The following CWF19L1 variants were observed in gnomAD, a reference collection of about 807,000 sequenced individuals.
CWF19L1 encodes CWF19-like protein 1.
A neutral mutation model predicts 69.7 loss-of-function variants in CWF19L1; 60 were observed. The observed-to-expected ratio is 0.86, with a 90% CI of 0.70 to 1.07. The LOEUF (loss-of-function observed/expected upper bound fraction) is 1.07, where lower values mean the gene tolerates loss of function less well. Among genes scored for constraint, CWF19L1 ranks in the 50% least tolerant of loss-of-function variants. The pLI, the probability that CWF19L1 is intolerant of heterozygous loss-of-function variation, is 0.00. For synonymous variants in CWF19L1, 209 were observed against 222.2 expected, an observed-to-expected ratio of 0.94 and a Z score of 0.53; for missense variants, 591 against 638.9, an observed-to-expected ratio of 0.92 and a Z score of 0.81.
Position 100,258,905 on chromosome 10 carries a change from T to TAA in CWF19L1, c.289+1311_289+1312dup, listed in dbSNP as rs11369357. 9.6e-4 allele frequency among the ~76,000 whole-genome samples: 117 copies of TAA among 121,504 alleles called. 3 individuals are homozygous for TAA. Among genetic ancestry groups the TAA allele is most frequent in the African/African-American group, 1.1e-3 (35 of 30,650 alleles). 79.7% of individuals were successfully genotyped at this position (121,504 alleles called of 152,430 possible). ...AAATGTGAAGAATAGTAAATTCAAC[T>TAA]AAAAAAAAAAAAAAAAGCCGAGCAC... On this transcript the variant is annotated intron_variant, in intron 4 of 13. Transcript: ENST00000354105.
At chr10:100,236,792 C>T in intron 12 of CWF19L1, 58 bp downstream of exon 12, 1 of 1,528,432 alleles carries the variant, frequency 6.5e-7, no homozygotes, top group Non-Finnish European at 8.8e-7. Context: ...AAACAACAAA[C>T]AACAACAAAA....
chr10:100,243,663 T>C (rs1846707706), intron 10 of CWF19L1, 35 bp downstream of exon 10: 1 of 1,545,918 alleles, frequency 6.5e-7, no homozygotes, highest in African/African-American at 1.4e-5. Flanking sequence ...CAAATAGGCA[T>C]CTCCTTCTCT....
At chr10:100,234,285 A>G (rs1003123090) in intron 13 of CWF19L1, among the ~76,000 whole-genome samples, 10 of 152,220 alleles carry the variant, frequency 6.6e-5, no homozygotes, top group Admixed American at 6.5e-4. Context: ...CCTTTCTTGT[A>G]CAGCTGAAAA....
At position 100,260,328 on chromosome 10, in the gene CWF19L1, G is replaced by A. The variant is rs11190442; in HGVS notation, c.188-9C>T. ...ATATGTCTGAATAGGAGCTAGTGAG[G>A]GAAACAGACATGACACCATATAGTT... On this transcript the variant is annotated splice_polypyrimidine_tract_variant and intron_variant, in intron 3 of 13. Transcript: ENST00000354105. 14,423 of 1,502,396 alleles carry A rather than the reference G, an allele frequency of 9.6e-3. 1,120 individuals are homozygous for A. In the African/African-American group the frequency reaches 0.17, roughly 18 times the overall value. 93.1% of individuals were successfully genotyped at this position (1,502,396 alleles called of 1,614,324 possible). A position where few individuals can be genotyped will look rare whatever the true frequency, so the allele number is the denominator to read the frequency against.
At chr10:100,252,661 C>T (rs928424426) in intron 6 of CWF19L1, among the ~76,000 whole-genome samples, 3 of 151,730 alleles carry the variant, frequency 2.0e-5, no homozygotes, top group Admixed American at 6.6e-5. Flanking sequence ...GGTGAAACCC[C>T]GTCTCTATTA....
chr10:100,250,226 C>G, intron 7 of CWF19L1, 22 bp downstream of exon 7: 1 of 1,490,382 alleles, frequency 6.7e-7, no homozygotes. Context: ...ATCAACCTTC[C>G]ACCAAATAGG....
At chr10:100,262,484 C>G in intron 1 of CWF19L1, 2 of 985,178 alleles carry the variant, frequency 2.0e-6, no homozygotes, top group Non-Finnish European at 2.4e-6. Context: ...TACAGGGCTT[C>G]AGTCATTCAT....
chr10:100,247,281 T>C (rs1318633938), intron 7 of CWF19L1, among the ~76,000 whole-genome samples: 6 of 152,260 alleles, frequency 3.9e-5, no homozygotes, highest in Non-Finnish European at 8.8e-5. Context: ...CTTCTGTCTC[T>C]GAGTCCCTTA....
intron 5 of CWF19L1, 34 bp downstream of exon 5, chr10:100,256,228 T>A: frequency 6.4e-7 from 1 of 1,557,766 alleles, no homozygotes; most frequent in South Asian, 1.1e-5. Context: ...TGCAATTTGC[T>A]TTTAGAAATT....
At chr10:100,249,832 C>G (rs1480521255) in intron 7 of CWF19L1, among the ~76,000 whole-genome samples, 3 of 152,184 alleles carry the variant, frequency 2.0e-5, no homozygotes, top group Non-Finnish European at 4.4e-5. Flanking sequence ...GTGATCCGCC[C>G]ACCTCAGCCT....
At position 100,237,150 on chromosome 10, in the gene CWF19L1, C is replaced by G. The variant is rs146993045; in HGVS notation, c.1255-181G>C. The G allele has an allele frequency of 2.7e-4, 213 of 781,802 alleles. 1 individual carries two copies. The highest frequency in any genetic ancestry group is 4.6e-4 in the Middle Eastern group (2 of 4,346). 48.4% of individuals were successfully genotyped at this position (781,802 alleles called of 1,614,324 possible). A position where few individuals can be genotyped will look rare whatever the true frequency, so the allele number is the denominator to read the frequency against. On this transcript the variant is annotated intron_variant, in intron 11 of 13. Coordinates refer to ENST00000354105, the MANE Select transcript of CWF19L1 (RefSeq NM_018294.6). Reference sequence around the variant, plus strand: ...GTAAGGACTTAAACTTATGAGATAGCCTGACACATGTGGGAGCCATTCTCT... The same window carrying G: ...GTAAGGACTTAAACTTATGAGATAGGCTGACACATGTGGGAGCCATTCTCT...
intron 7 of CWF19L1, among the ~76,000 whole-genome samples, chr10:100,247,666 G>A (rs570617339): frequency 1.3e-5 from 2 of 152,216 alleles, no homozygotes; most frequent in Admixed American, 6.5e-5. Flanking sequence ...AGGCTGAGGC[G>A]GGCGAATCAC....
At chr10:100,245,964 T>TCTA (rs1484897244) in intron 8 of CWF19L1, 51 bp from the exon 9 acceptor site, 12 of 1,332,570 alleles carry the variant, frequency 9.0e-6, no homozygotes, top group South Asian at 3.5e-5. Flanking sequence ...AACCTTTAGA[T>TCTA]AAGTAGCCGA....
chr10:100,233,154 A>G lies in CWF19L1; in HGVS notation c.*73T>C. 6.9e-7 allele frequency: 1 copy of G among 1,448,174 alleles called. No homozygotes were observed. Among genetic ancestry groups the G allele is most frequent in the Non-Finnish European group, 9.3e-7 (1 of 1,080,196 alleles). 89.7% of individuals were successfully genotyped at this position (1,448,174 alleles called of 1,614,324 possible). A position where few individuals can be genotyped will look rare whatever the true frequency, so the allele number is the denominator to read the frequency against. ...CAGAGCGAGACTTTGTCTCAAAAAAAATTCTTTTAATTAAAAAAAAAAAAA... is the reference window on the plus strand; with the variant it reads ...CAGAGCGAGACTTTGTCTCAAAAAAGATTCTTTTAATTAAAAAAAAAAAAA... On this transcript the variant is annotated 3_prime_UTR_variant, in exon 14 of 14. Coordinates refer to ENST00000354105, the MANE Select transcript of CWF19L1 (RefSeq NM_018294.6).
Position 100,233,139 on chromosome 10 carries a change from C to CTT in CWF19L1, c.*86_*87dup. The stretch of plus-strand genomic sequence containing the variant: ...ATCCTGCTTGGGTGACAGAGCGAGA[C>CTT]TTTGTCTCAAAAAAAATTCTTTTAA... On this transcript the variant is annotated 3_prime_UTR_variant, in exon 14 of 14. Transcript: ENST00000354105. 7.3e-7 allele frequency: 1 copy of CTT among 1,368,674 alleles called. No individual in the cohort carries two copies. Among genetic ancestry groups the CTT allele is most frequent in the African/African-American group, 1.5e-5 (1 of 67,714 alleles). 84.8% of individuals were successfully genotyped at this position (1,368,674 alleles called of 1,614,324 possible).
chr10:100,250,186 A>C, intron 7 of CWF19L1, 62 bp downstream of exon 7: 93 of 1,109,186 alleles, frequency 8.4e-5, no homozygotes, highest in Non-Finnish European at 1.1e-4. Context: ...AAACTGGACA[A>C]GAGATACATT....
At chr10:100,242,457 T>C (rs1372303446) in intron 10 of CWF19L1, among the ~76,000 whole-genome samples, 1 of 152,182 alleles carries the variant, frequency 6.6e-6, no homozygotes, top group Non-Finnish European at 1.5e-5. Context: ...GCAGATCACC[T>C]GAGGTCGGGA....
chr10:100,259,377 G>A (rs958952600), intron 4 of CWF19L1, among the ~76,000 whole-genome samples: 3 of 152,038 alleles, frequency 2.0e-5, no homozygotes, highest in Non-Finnish European at 4.4e-5. Context: ...ACTGAAGAGT[G>A]TACCTAGAAC....
Position 100,239,971 on chromosome 10 carries a change from T to A in CWF19L1, c.1045-1740A>T, listed in dbSNP as rs114233951. 2.5e-3 allele frequency among the ~76,000 whole-genome samples: 385 copies of A among 152,332 alleles called. 2 individuals are homozygous for A. The highest frequency in any genetic ancestry group is 8.5e-3 in the African/African-American group (355 of 41,574). ...TCGTCTAGCTATTTTTGTCAGAAGG[T>A]CACTGCCATAAACATCAGCTTCTCT... On this transcript the variant is annotated intron_variant, in intron 10 of 13. Coordinates refer to ENST00000354105, the MANE Select transcript of CWF19L1 (RefSeq NM_018294.6).
Sources: allele counts gnomAD v4.1 joint callset (sites outside exome capture counted in the v4.1 genomes callset), GRCh38; gene constraint gnomAD v4.1.1; transcripts MANE v1.5; gene names NCBI Gene and HGNC (gene_info 2026-07-23, HGNC 2026-07-21).